BCL11B: variants seen among roughly 807,000 people sequenced by gnomAD.
The protein encoded by BCL11B is B-cell lymphoma/leukemia 11B.
A neutral mutation model predicts 49.9 loss-of-function variants in BCL11B; 8 were observed. The observed-to-expected ratio is 0.16, with a 90% CI of 0.09 to 0.29. BCL11B has a LOEUF of 0.29. Ranked by LOEUF, BCL11B falls within the 10% of genes least tolerant of loss-of-function variation. BCL11B has a pLI of 1.00. For synonymous variants in BCL11B, 739 were observed against 637.4 expected, an observed-to-expected ratio of 1.16 and a Z score of -2.40; for missense variants, 1,006 against 1,351.0, an observed-to-expected ratio of 0.74 and a Z score of 4.00.
At chr14:99,217,863 C>T (rs1887897922) in intron 3 of BCL11B, among the ~76,000 whole-genome samples, 1 of 152,162 alleles carries the variant, frequency 6.6e-6, no homozygotes, top group Non-Finnish European at 1.5e-5. Flanking sequence ...TCATCACATG[C>T]CAGTGGGCTC....
At position 99,184,840 on chromosome 14, in the gene BCL11B, C is replaced by G. The variant is rs1268047006; in HGVS notation, c.641-8645G>C. ...CACCCCATAGTGTTGGGTGACCGTCCACTTACCCTCATGGGACCCCTGCAG... is the reference window on the plus strand; with the variant it reads ...CACCCCATAGTGTTGGGTGACCGTCGACTTACCCTCATGGGACCCCTGCAG... On this transcript the variant is annotated intron_variant, in intron 3 of 3. Coordinates refer to ENST00000357195, the MANE Select transcript of BCL11B (RefSeq NM_138576.4). The surrounding 1 kb of genome is among the most constrained non-coding windows in gnomAD (Gnocchi z 6.1). 6.6e-6 allele frequency among the ~76,000 whole-genome samples: 1 copy of G among 152,198 alleles called. No individual in the cohort carries two copies. The highest frequency in any genetic ancestry group is 1.9e-4 in the East Asian group (1 of 5,188).
Position 99,170,680 on chromosome 14 carries a change from C to T in BCL11B, c.*3471G>A, listed in dbSNP as rs1053686233. The T allele has an allele frequency of 8.6e-6, 2 of 233,096 alleles. No homozygotes were observed. The highest frequency in any genetic ancestry group is 6.0e-5 in the East Asian group (1 of 16,558). The allele number at this position is 233,096 out of a possible 1,614,324, so 14.4% of individuals were successfully genotyped here. A position where few individuals can be genotyped will look rare whatever the true frequency, so the allele number is the denominator to read the frequency against. On this transcript the variant is annotated 3_prime_UTR_variant, in exon 4 of 4. Transcript: ENST00000357195. ...CAAATTCATCCCAGGCCCTCGCATT[C>T]GGAAACTGACGGAATGTAGGTTTCA...
At chr14:99,237,236 C>CTT (rs56991081) in intron 2 of BCL11B, among the ~76,000 whole-genome samples, 1 of 132,810 alleles carries the variant, frequency 7.5e-6, no homozygotes. Context: ...CTTTTTTTTT[C>CTT]TTTTTTTTTT....
rs1357334081 is a variant in BCL11B at position 99,228,964 on chromosome 14, A to G, written c.640+2381T>C. 6.6e-6 allele frequency among the ~76,000 whole-genome samples: 1 copy of G among 151,950 alleles called. No individual in the cohort carries two copies. The highest frequency in any genetic ancestry group is 1.5e-5 in the Non-Finnish European group (1 of 67,950). ...AACGGATGGGTGGATGGATGGATGC[A>G]TGGATGGATGCATGGATGGATGGAT... On this transcript the variant is annotated intron_variant, in intron 3 of 3. Transcript: ENST00000357195. The surrounding 1 kb of genome is among the most constrained non-coding windows in gnomAD (Gnocchi z 4.8).
chr14:99,269,363 C>A (rs1333524965), intron 1 of BCL11B, among the ~76,000 whole-genome samples: 1 of 152,144 alleles, frequency 6.6e-6, no homozygotes, highest in Non-Finnish European at 1.5e-5. Flanking sequence ...CTTGATCAAA[C>A]CAAGCTCAAA....
intron 3 of BCL11B, among the ~76,000 whole-genome samples, chr14:99,230,292 A>G (rs1182167236): frequency 6.6e-6 from 1 of 152,202 alleles, no homozygotes; most frequent in African/African-American, 2.4e-5. Flanking sequence ...CCCAATAAAA[A>G]TAGTTTTCCT....
chr14:99,216,057 G>A (rs1024494339), intron 3 of BCL11B, among the ~76,000 whole-genome samples: 1 of 152,170 alleles, frequency 6.6e-6, no homozygotes, highest in Admixed American at 6.5e-5. Flanking sequence ...TTATAACAAC[G>A]ATAAAAAGAT....
chr14:99,251,676 A>T (rs1281777152), intron 2 of BCL11B, among the ~76,000 whole-genome samples: 1 of 152,200 alleles, frequency 6.6e-6, no homozygotes, highest in Non-Finnish European at 1.5e-5. Context: ...GAAGTACAGG[A>T]CAGTATATAC....
At chr14:99,236,217 A>G (rs745324189) in intron 2 of BCL11B, among the ~76,000 whole-genome samples, 3 of 152,232 alleles carry the variant, frequency 2.0e-5, no homozygotes, top group Admixed American at 1.3e-4. Flanking sequence ...TAAACAAGAT[A>G]GGCAGATAAC....
chr14:99,218,966 C>A lies in BCL11B; in HGVS notation c.640+12379G>T, dbSNP rs372785505. 2.0e-5 allele frequency among the ~76,000 whole-genome samples: 3 copies of A among 152,320 alleles called. No homozygotes were observed. The South Asian group carries it at 6.2e-4, about 32-fold the overall frequency. ...AGAGGCAGGGAATCAGGGAGCACGG[C>A]CCTGCCGACCCCTCCATCTTGGACC... On this transcript the variant is annotated intron_variant, in intron 3 of 3. Coordinates refer to ENST00000357195, the MANE Select transcript of BCL11B (RefSeq NM_138576.4).
rs1379404176 is a variant in BCL11B at position 99,231,491 on chromosome 14, G to A, written c.494C>T (p.Ser165Phe). The change falls in exon 3 of 4, where the codon TCC (serine) becomes TTC (phenylalanine). Residue 165 changes from serine (S) to phenylalanine (F), a missense_variant. By Grantham distance (155) the Ser-to-Phe change is radical. This residue lies in a region of BCL11B where 411 missense variants were observed against 542.2 expected (regional missense o/e 0.76). Coordinates refer to ENST00000357195, the MANE Select transcript of BCL11B (RefSeq NM_138576.4). The surrounding 1 kb of genome is among the most constrained non-coding windows in gnomAD (Gnocchi z 8.1). Reference protein sequence around the residue: ...PIAASSHPHSSVITSPLRALG... With the variant: ...PIAASSHPHSFVITSPLRALG... ...GGCACGCAGAGGTGAAGTGATCACG[G>A]ATGAGTGAGGGTGGGAGGAGGCAGC... The A allele has an allele frequency of 1.2e-6, 2 of 1,601,842 alleles. No individual in the cohort carries two copies. The highest frequency in any genetic ancestry group is 1.1e-5 in the South Asian group (1 of 88,968).
rs1888713351 is a variant in BCL11B at position 99,242,940 on chromosome 14, G to A, written c.428-11383C>T. ...CAATTTTTGTTAGCTCTGAGAGGCG[G>A]TGAGAATTTCCTCACTGGTCCGCTT... On this transcript the variant is annotated intron_variant, in intron 2 of 3. Coordinates refer to ENST00000357195, the MANE Select transcript of BCL11B (RefSeq NM_138576.4). This position sits in a 1 kb window ranked among gnomAD's most constrained non-coding sequence, Gnocchi z 4.4. Among the ~76,000 whole-genome samples, 1 of 152,180 alleles carries A rather than the reference G, an allele frequency of 6.6e-6. No homozygotes were observed. Among genetic ancestry groups the A allele is most frequent in the South Asian group, 2.1e-4 (1 of 4,826 alleles).
Position 99,211,970 on chromosome 14 carries a change from C to A in BCL11B, c.640+19375G>T, listed in dbSNP as rs182918692. On this transcript the variant is annotated intron_variant, in intron 3 of 3. Transcript: ENST00000357195. ...GAACCCCTGCCCATCCCCACTCCCC[C>A]CTCCACACATCCCAGCAGAAGAGTT... 2.6e-5 allele frequency among the ~76,000 whole-genome samples: 4 copies of A among 152,252 alleles called. 1 individual carries two copies. Among genetic ancestry groups the A allele is most frequent in the Middle Eastern group, 6.8e-3 (2 of 294 alleles).
In BCL11B at chr14:99,231,874, G is replaced by A. The variant is rs544245950; in HGVS notation, c.428-317C>T. Reference sequence around the variant, plus strand: ...CGGGGGCTGTGAGGACCCACTCTCAGGAAGGACCCCCCACGTGGGGGCCTC... The same window carrying A: ...CGGGGGCTGTGAGGACCCACTCTCAAGAAGGACCCCCCACGTGGGGGCCTC... On this transcript the variant is annotated intron_variant, in intron 2 of 3. Coordinates refer to ENST00000357195, the MANE Select transcript of BCL11B (RefSeq NM_138576.4). This position sits in a 1 kb window ranked among gnomAD's most constrained non-coding sequence, Gnocchi z 8.1. Among the ~76,000 whole-genome samples, 10 of 152,012 alleles carry A rather than the reference G, an allele frequency of 6.6e-5. No homozygotes were observed. In the East Asian group the frequency reaches 2.0e-3, roughly 30 times the overall value.
In BCL11B at chr14:99,171,862, A is replaced by AT. The variant is rs1009913789; in HGVS notation, c.*2288dup. The AT allele has an allele frequency of 3.4e-5, 7 of 204,298 alleles. No individual in the cohort carries two copies. Among genetic ancestry groups the AT allele is most frequent in the Non-Finnish European group, 5.0e-5 (5 of 99,748 alleles). The allele number at this position is 204,298 out of a possible 1,614,324, so 12.7% of individuals were successfully genotyped here. On this transcript the variant is annotated 3_prime_UTR_variant, in exon 4 of 4. Transcript: ENST00000357195. The stretch of plus-strand genomic sequence containing the variant: ...ACATTTTCAAGGAAAAGAAAAGGGT[A>AT]TTTTTTTTCTTGTTTTGTAAAATGC...
chr14:99,190,488 A>T (rs1886991585), intron 3 of BCL11B, among the ~76,000 whole-genome samples: 1 of 152,258 alleles, frequency 6.6e-6, no homozygotes, highest in African/African-American at 2.4e-5. Flanking sequence ...ACTTCGTCTC[A>T]AATAGAAATA....
intron 3 of BCL11B, among the ~76,000 whole-genome samples, chr14:99,178,167 C>G (rs1468835167): frequency 6.6e-6 from 1 of 152,186 alleles, no homozygotes; most frequent in Non-Finnish European, 1.5e-5. Flanking sequence ...CAGGCTGTTA[C>G]AAGTTTGGCA....
intron 2 of BCL11B, among the ~76,000 whole-genome samples, chr14:99,245,230 C>A (rs945691818): frequency 6.6e-6 from 1 of 152,154 alleles, no homozygotes; most frequent in Non-Finnish European, 1.5e-5. Flanking sequence ...AGCAAGGTGA[C>A]GATTTGCATA....
chr14:99,190,495 A>T (rs1185410078), intron 3 of BCL11B, among the ~76,000 whole-genome samples: 2 of 152,226 alleles, frequency 1.3e-5, no homozygotes, highest in African/African-American at 4.8e-5. Context: ...CTCAAATAGA[A>T]ATAAATAAAT....
Sources: allele counts gnomAD v4.1 joint callset (sites outside exome capture counted in the v4.1 genomes callset), GRCh38; gene constraint gnomAD v4.1.1; regional missense constraint gnomAD v4.1.1; non-coding constraint Gnocchi (gnomAD v3.1); transcripts MANE v1.5; gene names NCBI Gene and HGNC (gene_info 2026-07-23, HGNC 2026-07-21).